MRAP2: variants seen among roughly 807,000 people sequenced by gnomAD.
The protein encoded by MRAP2 is melanocortin-2 receptor accessory protein 2.
In MRAP2, 20 loss-of-function variants were observed where a neutral mutation model predicts 17.4. The observed-to-expected ratio is 1.15, with a 90% CI of 0.81 to 1.67. MRAP2 has a LOEUF of 1.67. Among genes scored for constraint, MRAP2 ranks in the 40% most tolerant of loss-of-function variants. The probability of loss-of-function intolerance (pLI) is 0.00; values close to 1 mark genes in which losing one functional copy is unlikely to be tolerated. For missense variants in MRAP2, 238 were observed against 240.0 expected (o/e 0.99, Z 0.05); for synonymous variants, 96 against 88.4 (o/e 1.09, Z -0.48).
chr6:84,078,431 A>T (rs1159224711), intron 3 of MRAP2, among the ~76,000 whole-genome samples: 2 of 152,220 alleles, frequency 1.3e-5, no homozygotes, highest in Non-Finnish European at 2.9e-5. Context: ...GTCACAGTGA[A>T]ATGTCATTTC....
At position 84,089,167 on chromosome 6, in the gene MRAP2, A is replaced by G. The variant is rs756688700; in HGVS notation, c.304A>G (p.Lys102Glu). 3 of 1,614,222 alleles carry G rather than the reference A, an allele frequency of 1.9e-6. No homozygotes were observed. Among genetic ancestry groups the G allele is most frequent in the East Asian group, 2.2e-5 (1 of 44,890 alleles). Residue 102 changes from lysine (K) to glutamate (E), a missense_variant, in exon 4 of 4, where the codon AAA becomes GAA. By Grantham distance (56) the Lys-to-Glu change is moderately conservative. Coordinates refer to ENST00000257776, the MANE Select transcript of MRAP2 (RefSeq NM_138409.4). ...CTTTGGAAGACCTCTGGAGCCAGAT[A>G]AAGTATTTTCTCGCCAAGGCAACGA... ...SDFGRPLEPD[K>E]VFSRQGNEES...
chr6:84,033,752 G>T, upstream of MRAP2: 1 of 985,724 alleles, frequency 1.0e-6, no homozygotes, highest in Non-Finnish European at 1.2e-6. Flanking sequence ...CGTCTCCGCC[G>T]CACCTCGGAT....
At chr6:84,051,075 G>T (rs1042736698) in intron 1 of MRAP2, among the ~76,000 whole-genome samples, 1 of 152,142 alleles carries the variant, frequency 6.6e-6, no homozygotes, top group African/African-American at 2.4e-5. Flanking sequence ...CTCATCTGCT[G>T]ATGTTTACCC....
chr6:84,076,125 G>A (rs988329491), intron 3 of MRAP2, among the ~76,000 whole-genome samples: 2 of 151,816 alleles, frequency 1.3e-5, no homozygotes, highest in African/African-American at 2.4e-5. Context: ...GCAGTGGTGC[G>A]ATCTCGGCTC....
rs150391645 is a variant in MRAP2, at chr6:84,076,484, A to G, written c.228-12607A>G. Reference sequence around the variant, plus strand: ...GGTGATCCACCTACCTCTGCCTCCCAAAGTGCTGGGATTACAGGTGTGAGC... The same window carrying G: ...GGTGATCCACCTACCTCTGCCTCCCGAAGTGCTGGGATTACAGGTGTGAGC... On this transcript the variant is annotated intron_variant, in intron 3 of 3. Transcript: ENST00000257776. 5.9e-3 allele frequency among the ~76,000 whole-genome samples: 897 copies of G among 152,062 alleles called. 4 individuals carry two copies. Among genetic ancestry groups the G allele is most frequent in the African/African-American group, 0.021 (860 of 41,442 alleles).
rs746999407 is a variant in MRAP2 at position 84,073,870 on chromosome 6, T to TTG, written c.227+10896_227+10897dup. ...ATTTGCTTAAAACATTATGAGATAT[T>TTG]TGTGTGTGTGTGTGTGTGTTTTTTT... On this transcript the variant is annotated intron_variant, in intron 3 of 3. Transcript: ENST00000257776. 2.2e-3 allele frequency among the ~76,000 whole-genome samples: 326 copies of TTG among 148,326 alleles called. 1 individual carries two copies. Among genetic ancestry groups the TTG allele is most frequent in the African/African-American group, 2.5e-3 (98 of 39,084 alleles).
At chr6:84,066,760 C>A (rs980650592) in intron 3 of MRAP2, among the ~76,000 whole-genome samples, 1 of 152,186 alleles carries the variant, frequency 6.6e-6, no homozygotes, top group Non-Finnish European at 1.5e-5. Flanking sequence ...AATGTAGAGT[C>A]AAACCTCAAA....
chr6:84,068,982 T>C, intron 3 of MRAP2, among the ~76,000 whole-genome samples: 1 of 152,004 alleles, frequency 6.6e-6, no homozygotes, highest in East Asian at 1.9e-4. Flanking sequence ...TGAATTCTTT[T>C]ATCAGTTCTA....
At chr6:84,037,015 G>A (rs57563346) in intron 1 of MRAP2, among the ~76,000 whole-genome samples, 3,768 of 152,154 alleles carry the variant, frequency 0.025, 159 homozygotes, top group African/African-American at 0.085. Context: ...ACAGAGGGCT[G>A]ATTGGTGCAT....
At chr6:84,114,907 G>T in the MRAP2 span, among the ~76,000 whole-genome samples, 43 of 152,180 alleles carry the variant, frequency 2.8e-4, no homozygotes, top group African/African-American at 9.7e-4. Flanking sequence ...AGCAGAAGCT[G>T]CAGAACAGCA....
chr6:84,073,342 G>A (rs1305546163), intron 3 of MRAP2, among the ~76,000 whole-genome samples: 4 of 152,220 alleles, frequency 2.6e-5, no homozygotes, highest in African/African-American at 9.6e-5. Context: ...CTCCCACAAA[G>A]AGACTTTCAG....
chr6:84,107,877 G>A, the MRAP2 span, among the ~76,000 whole-genome samples: 1 of 152,234 alleles, frequency 6.6e-6, no homozygotes, highest in Non-Finnish European at 1.5e-5. Context: ...AGCTGAATTA[G>A]AGTCACTACT....
chr6:84,097,029 A>G, the MRAP2 span, among the ~76,000 whole-genome samples: 5 of 152,298 alleles, frequency 3.3e-5, no homozygotes, highest in South Asian at 2.1e-4. Flanking sequence ...TTCAACAGAG[A>G]GGTCTAAGTG....
intron 2 of MRAP2, among the ~76,000 whole-genome samples, chr6:84,059,391 C>T (rs16874200): frequency 0.05 from 7,577 of 152,220 alleles, 627 homozygotes; most frequent in African/African-American, 0.17. Flanking sequence ...ACAGAATTGG[C>T]CCTACTGCCT....
the MRAP2 span, among the ~76,000 whole-genome samples, chr6:84,096,302 T>C: frequency 6.6e-6 from 1 of 152,312 alleles, no homozygotes; most frequent in East Asian, 1.9e-4. Context: ...AATCTGAACC[T>C]ACCCAGATAA....
the MRAP2 span, among the ~76,000 whole-genome samples, chr6:84,098,209 C>T: frequency 6.6e-6 from 1 of 152,062 alleles, no homozygotes; most frequent in African/African-American, 2.4e-5. Flanking sequence ...TCATGCAGTA[C>T]ATACTCTGTT....
chr6:84,141,920 T>C, the MRAP2 span, among the ~76,000 whole-genome samples: 1 of 152,198 alleles, frequency 6.6e-6, no homozygotes, highest in Non-Finnish European at 1.5e-5. Flanking sequence ...GGATCTTTCA[T>C]AATAGGCAAA....
the MRAP2 span, among the ~76,000 whole-genome samples, chr6:84,103,803 G>A: frequency 2.6e-5 from 4 of 152,148 alleles, no homozygotes; most frequent in Non-Finnish European, 5.9e-5. Flanking sequence ...TTGGTACCAT[G>A]ACCATAAGTG....
intron 1 of MRAP2, among the ~76,000 whole-genome samples, chr6:84,042,554 C>A (rs2099487863): frequency 6.6e-6 from 1 of 152,188 alleles, no homozygotes; most frequent in Non-Finnish European, 1.5e-5. Flanking sequence ...TGCCCTGAGA[C>A]TCTGGGGACT....
Sources: gnomAD v4.1 joint callset for allele counts (sites outside exome capture counted in the v4.1 genomes callset) on GRCh38, gnomAD v4.1.1 for gene constraint, MANE v1.5 for transcripts, NCBI Gene and HGNC (gene_info 2026-07-23, HGNC 2026-07-21) for gene names.